Variants in FAM20A observed in about 807,000 individuals in gnomAD.
FAM20A encodes FAM20A golgi associated secretory pathway pseudokinase, also known as pseudokinase FAM20A.
FAM20A carries 42 observed loss-of-function variants against 52.0 expected under a neutral mutation model. That is an observed-to-expected ratio of 0.81 (90% CI 0.63 to 1.04). The LOEUF (loss-of-function observed/expected upper bound fraction) is 1.04. Ranked by LOEUF, FAM20A falls within the 50% of genes least tolerant of loss-of-function variation. FAM20A has a pLI of 0.00. For synonymous variants in FAM20A, 304 were observed against 298.9 expected (o/e 1.02, Z -0.18); for missense variants, 742 against 712.7 (o/e 1.04, Z -0.47).
At chr17:68,550,965 G>T in intron 4 of FAM20A, 1 of 904,200 alleles carries the variant, frequency 1.1e-6, no homozygotes, top group Non-Finnish European at 1.5e-6. Context: ...GCCTCCCCTT[G>T]AATGGCTGAA....
At chr17:68,572,533 T>C (rs1189105808) in intron 1 of FAM20A, among the ~76,000 whole-genome samples, 6 of 152,078 alleles carry the variant, frequency 3.9e-5, no homozygotes, top group Non-Finnish European at 8.8e-5. Context: ...GGAAATGGCT[T>C]TTTGGTGTTC....
At position 68,536,229 on chromosome 17, in the gene FAM20A, C is replaced by T; in HGVS notation, c.*1248G>A. On this transcript the variant is annotated 3_prime_UTR_variant, in exon 11 of 11. Transcript: ENST00000592554. ...GACCTTGTACTCTCTTTAGTGACAGCTCCATTCTATTCTCATGCTTACAGT... is the reference window on the plus strand; with the variant it reads ...GACCTTGTACTCTCTTTAGTGACAGTTCCATTCTATTCTCATGCTTACAGT... The T allele has an allele frequency of 2.2e-6, 1 of 454,134 alleles. No homozygotes were observed. Among genetic ancestry groups the T allele is most frequent in the Non-Finnish European group, 4.4e-6 (1 of 226,790 alleles). The allele number at this position is 454,134 out of a possible 1,614,324, so 28.1% of individuals were successfully genotyped here.
chr17:68,553,392 CTAA>C (rs905721083), intron 3 of FAM20A, among the ~76,000 whole-genome samples: 9 of 152,204 alleles, frequency 5.9e-5, no homozygotes, highest in Non-Finnish European at 1.3e-4. Context: ...TAAAAATGGA[CTAA>C]TACATTTTGA....
At chr17:68,557,377 G>A (rs888328420) in intron 1 of FAM20A, 1 of 152,064 alleles carries the variant, frequency 6.6e-6, no homozygotes, top group African/African-American at 2.4e-5. Context: ...TGATGGTATT[G>A]GAGATGGGGC....
Position 68,542,932 on chromosome 17 carries a change from C to G in FAM20A, c.813-123G>C, listed in dbSNP as rs149040616. 519 of 746,138 alleles carry G rather than the reference C, an allele frequency of 7.0e-4. 3 individuals are homozygous for G. Among genetic ancestry groups the G allele is most frequent in the African/African-American group, 5.5e-3 (319 of 58,340 alleles). The allele number at this position is 746,138 out of a possible 1,614,324, so 46.2% of individuals were successfully genotyped here. On this transcript the variant is annotated intron_variant, in intron 5 of 10. Coordinates refer to ENST00000592554, the MANE Select transcript of FAM20A (RefSeq NM_017565.4). ...GTACCCAGGAGGGTGGCCGGTGAGG[C>G]GTGACTCTGCACTGTTGAGCTGGTA...
At chr17:68,595,927 C>G (rs1036865901) in intron 1 of FAM20A, among the ~76,000 whole-genome samples, 1 of 152,276 alleles carries the variant, frequency 6.6e-6, no homozygotes, top group African/African-American at 2.4e-5. Context: ...AGCTCCTAGA[C>G]GAGGCAATTC....
intron 1 of FAM20A, among the ~76,000 whole-genome samples, chr17:68,573,475 CTCTT>C (rs1392490720): frequency 2.4e-5 from 3 of 125,752 alleles, no homozygotes; most frequent in Non-Finnish European, 5.3e-5. Context: ...TTCTTTCTTT[CTCTT>C]TCTTTCTTTC....
In FAM20A at chr17:68,601,094, C is replaced by G. The variant is rs1448088108; in HGVS notation, c.-428G>C. The stretch of plus-strand genomic sequence containing the variant: ...CGGACGGAGGCCGCCGGCTGCAAAG[C>G]CCGGGGCGTCTCTCCTGAGGATGCT... On this transcript the variant is annotated 5_prime_UTR_variant, in exon 1 of 11. Coordinates refer to ENST00000592554, the MANE Select transcript of FAM20A (RefSeq NM_017565.4). The G allele has an allele frequency of 6.6e-6, 1 of 151,792 alleles. No individual in the cohort carries two copies. Among genetic ancestry groups the G allele is most frequent in the African/African-American group, 2.4e-5 (1 of 41,382 alleles). 9.4% of individuals were successfully genotyped at this position (151,792 alleles called of 1,614,324 possible). A position where few individuals can be genotyped will look rare whatever the true frequency, so the allele number is the denominator to read the frequency against.
Position 68,539,324 on chromosome 17 carries a change from C to T in FAM20A, c.1361+13G>A. 1 of 1,614,070 alleles carries T rather than the reference C, an allele frequency of 6.2e-7. No individual in the cohort carries two copies. Among genetic ancestry groups the T allele is most frequent in the Non-Finnish European group, 8.5e-7 (1 of 1,179,916 alleles). On this transcript the variant is annotated intron_variant, in intron 10 of 10. Transcript: ENST00000592554. ...TGTTACTTGCCCGTATTATCTGCTG[C>T]AGGAAAACTTACATGCAGCACTGGG...
chr17:68,570,351 G>A lies in FAM20A; in HGVS notation c.405-14608C>T, dbSNP rs749182484. ...AGCCTCCCAAAGTGCTGGGATCACA[G>A]GTGTGAGCCACTACACCTGGCCAAC... On this transcript the variant is annotated intron_variant, in intron 1 of 10. Coordinates refer to ENST00000592554, the MANE Select transcript of FAM20A (RefSeq NM_017565.4). Among the ~76,000 whole-genome samples the A allele has an allele frequency of 3.9e-5, 6 of 152,314 alleles. No homozygotes were observed. The East Asian group carries it at 1.2e-3, about 29-fold the overall frequency.
intron 1 of FAM20A, among the ~76,000 whole-genome samples, chr17:68,557,130 G>A (rs2087075710): frequency 6.6e-6 from 1 of 151,968 alleles, no homozygotes; most frequent in African/African-American, 2.4e-5. Context: ...AACCCAGGAG[G>A]TGGAGGTTGC....
intron 1 of FAM20A, among the ~76,000 whole-genome samples, chr17:68,597,100 T>G (rs1288663351): frequency 6.6e-6 from 1 of 152,000 alleles, no homozygotes; most frequent in Non-Finnish European, 1.5e-5. Context: ...AAGGAACGTG[T>G]GGGTGAGTGG....
chr17:68,582,620 C>T (rs537546069), intron 1 of FAM20A: 2 of 152,112 alleles, frequency 1.3e-5, no homozygotes, highest in Non-Finnish European at 2.9e-5. Context: ...CTGTAGGAAA[C>T]CAGGCACCCT....
Position 68,600,548 on chromosome 17 carries a change from C to T in FAM20A, c.119G>A (p.Arg40His). Reference protein sequence around the residue: ...QVQRQLRPRERPRGCPCTGRA... With the variant: ...QVQRQLRPREHPRGCPCTGRA... ...GCCGGTGCACGGGCACCCCCGCGGGCGCTCCCGAGGCCGCAGCTGGCGCTG... is the reference window on the plus strand; with the variant it reads ...GCCGGTGCACGGGCACCCCCGCGGGTGCTCCCGAGGCCGCAGCTGGCGCTG... The change falls in exon 1 of 11, where the codon CGC (arginine) becomes CAC (histidine). Residue 40 changes from arginine to histidine, a missense_variant. Coordinates refer to ENST00000592554, the MANE Select transcript of FAM20A (RefSeq NM_017565.4). This position sits in a 1 kb window ranked among gnomAD's most constrained non-coding sequence, Gnocchi z 6.2. 4 of 1,558,034 alleles carry T rather than the reference C, an allele frequency of 2.6e-6. No individual in the cohort carries two copies. Among genetic ancestry groups the T allele is most frequent in the South Asian group, 1.2e-5 (1 of 84,962 alleles).
chr17:68,551,396 T>G (rs1296232135), intron 4 of FAM20A: 3 of 323,052 alleles, frequency 9.3e-6, no homozygotes, highest in Non-Finnish European at 1.7e-5. Context: ...GTCCGTAAAC[T>G]TTTTGATGTC....
At chr17:68,575,385 A>G (rs2087698420) in intron 1 of FAM20A, among the ~76,000 whole-genome samples, 1 of 132,550 alleles carries the variant, frequency 7.5e-6, no homozygotes, top group South Asian at 2.2e-4. Context: ...TACTTTACAT[A>G]TATATATATA....
intron 1 of FAM20A, among the ~76,000 whole-genome samples, chr17:68,594,681 C>T (rs1164458951): frequency 6.6e-6 from 1 of 152,158 alleles, no homozygotes; most frequent in African/African-American, 2.4e-5. Context: ...ACTGTAGTCC[C>T]TGTTTCCTTG....
At chr17:68,547,470 G>GTAGC in intron 4 of FAM20A, among the ~76,000 whole-genome samples, 1 of 152,314 alleles carries the variant, frequency 6.6e-6, no homozygotes, top group Middle Eastern at 3.4e-3. Flanking sequence ...TATTGTTAGT[G>GTAGC]TAGCTACGTT....
intron 1 of FAM20A, among the ~76,000 whole-genome samples, chr17:68,569,042 T>A (rs2087465127): frequency 6.6e-6 from 1 of 151,906 alleles, no homozygotes; most frequent in African/African-American, 2.4e-5. Context: ...TCTACCTTGG[T>A]CCATCATTAA....
Sources: allele counts gnomAD v4.1 joint callset (sites outside exome capture counted in the v4.1 genomes callset), GRCh38; gene constraint gnomAD v4.1.1; non-coding constraint Gnocchi (gnomAD v3.1); transcripts MANE v1.5; gene names NCBI Gene and HGNC (gene_info 2026-07-23, HGNC 2026-07-21).